CCDC14: variants seen among roughly 807,000 people sequenced by gnomAD.
CCDC14 encodes the protein coiled-coil domain containing 14.
CCDC14 carries 71 observed loss-of-function variants against 81.4 expected under a neutral mutation model. That is an observed-to-expected ratio of 0.87 (90% CI 0.72 to 1.06). The LOEUF (loss-of-function observed/expected upper bound fraction) is 1.06. CCDC14 is among the 50% of genes least tolerant of loss of function. The probability of loss-of-function intolerance (pLI) is 0.00; values close to 1 mark genes in which losing one functional copy is unlikely to be tolerated. For missense variants in CCDC14, 1,046 were observed against 1,047.3 expected, an observed-to-expected ratio of 1.00 and a Z score of 0.02; for synonymous variants, 332 against 364.8, an observed-to-expected ratio of 0.91 and a Z score of 1.03.
chr3:123,941,367 C>T (rs2036342979), intron 9 of CCDC14, among the ~76,000 whole-genome samples: 1 of 151,828 alleles, frequency 6.6e-6, no homozygotes, highest in Non-Finnish European at 1.5e-5. Context: ...TGGCAATAAA[C>T]TCCAAGAAAG....
At chr3:123,891,509 A>T in the CCDC14 span, among the ~76,000 whole-genome samples, 5 of 152,140 alleles carry the variant, frequency 3.3e-5, no homozygotes, top group African/African-American at 1.2e-4. Flanking sequence ...TCAAGTTCAA[A>T]GTTCCACAAA....
intron 5 of CCDC14, chr3:123,952,918 C>T (rs2037104710): frequency 5.2e-6 from 1 of 190,810 alleles, no homozygotes; most frequent in Non-Finnish European, 1.1e-5. Context: ...CAACTAGAAA[C>T]TAATTTCTAA....
intron 12 of CCDC14, among the ~76,000 whole-genome samples, chr3:123,928,860 C>T (rs1404271051): frequency 6.6e-6 from 1 of 152,162 alleles, no homozygotes; most frequent in African/African-American, 2.4e-5. Context: ...TATTAACATT[C>T]TACTAATACT....
intron 12 of CCDC14, among the ~76,000 whole-genome samples, chr3:123,925,956 T>C (rs567459619): frequency 4.6e-5 from 7 of 152,306 alleles, no homozygotes; most frequent in South Asian, 2.1e-4. Context: ...GAGTTGTTAC[T>C]ACAACACAAA....
chr3:123,895,408 C>T (rs1326643981), downstream of CCDC14, among the ~76,000 whole-genome samples: 1 of 152,182 alleles, frequency 6.6e-6, no homozygotes, highest in Non-Finnish European at 1.5e-5. Context: ...TATATTAGCT[C>T]ACCTTAGCTC....
At chr3:123,928,333 TAAAA>T (rs36006823) in intron 12 of CCDC14, among the ~76,000 whole-genome samples, 1 of 76,372 alleles carries the variant, frequency 1.3e-5, no homozygotes, top group African/African-American at 6.0e-5. Flanking sequence ...CAGTCTCTAC[TAAAA>T]AAAAAAAAAA....
chr3:123,956,681 G>T, intron 2 of CCDC14, 59 bp downstream of exon 2: 1 of 1,363,578 alleles, frequency 7.3e-7, no homozygotes, highest in Non-Finnish European at 1.0e-6. Context: ...ATGTCATCCA[G>T]CCCAAAGACC....
chr3:123,914,104 A>G lies in CCDC14; in HGVS notation c.*675T>C, dbSNP rs929775466. 15 of 985,690 alleles carry G rather than the reference A, an allele frequency of 1.5e-5. 1 individual carries two copies. The highest frequency in any genetic ancestry group is 1.7e-5 in the African/African-American group (1 of 57,248). The allele number at this position is 985,690 out of a possible 1,614,324, so 61.1% of individuals were successfully genotyped here. A position where few individuals can be genotyped will look rare whatever the true frequency, so the allele number is the denominator to read the frequency against. ...TTTCCCCAACTATAGCTTATCTGTT[A>G]GCACTTCTTTATCAGTCTGACTATT... is the stretch of plus-strand genomic sequence containing the variant. On this transcript the variant is annotated 3_prime_UTR_variant, in exon 13 of 13. Coordinates refer to ENST00000409697, the MANE Select transcript of CCDC14 (RefSeq NM_001366335.1).
intron 12 of CCDC14, among the ~76,000 whole-genome samples, chr3:123,926,100 T>C (rs974098774): frequency 1.3e-5 from 2 of 152,190 alleles, no homozygotes; most frequent in African/African-American, 4.8e-5. Flanking sequence ...TTGAAGTTTC[T>C]TTCCAGTTTT....
chr3:123,886,244 C>G, the CCDC14 span, among the ~76,000 whole-genome samples: 1 of 151,870 alleles, frequency 6.6e-6, no homozygotes, highest in Non-Finnish European at 1.5e-5. Context: ...ACAAGATGTT[C>G]CAGGCACATC....
rs1286728975 is a variant in CCDC14, at chr3:123,947,100, A to G, written c.904T>C (p.Cys302Arg). The change falls in exon 8 of 13, where the codon TGT becomes CGT. Residue 302 changes from cysteine (C) to arginine (R), a missense_variant. Cys to Arg is a radical substitution (Grantham distance 180, BLOSUM62 -3). Coordinates refer to ENST00000409697, the MANE Select transcript of CCDC14 (RefSeq NM_001366335.1). Reference sequence around the variant, plus strand: ...AAAAGAGACAAATATGTTTGAATACATTTTAGTAGGTCTGTTTCCTTATGA... The same window carrying G: ...AAAAGAGACAAATATGTTTGAATACGTTTTAGTAGGTCTGTTTCCTTATGA... ...GIHKETDLLK[C>R]IQTYLSLFRS... The G allele has an allele frequency of 3.1e-6, 5 of 1,613,812 alleles. No homozygotes were observed. The highest frequency in any genetic ancestry group is 1.7e-5 in the Admixed American group (1 of 59,998).
intron 5 of CCDC14, among the ~76,000 whole-genome samples, chr3:123,903,370 T>A (rs1204504384): frequency 6.6e-6 from 1 of 151,548 alleles, no homozygotes; most frequent in Non-Finnish European, 1.5e-5. Flanking sequence ...TATTGCTTAT[T>A]GCTGGTGGTA....
At position 123,915,414 on chromosome 3, in the gene CCDC14, C is replaced by T; in HGVS notation, c.2083G>A (p.Glu695Lys). Residue 695 changes from glutamate (E) to lysine (K), a missense_variant, in exon 13 of 13, where the codon GAA becomes AAA. By Grantham distance (56) the Glu-to-Lys change is moderately conservative. Transcript: ENST00000409697. Reference protein sequence around the residue: ...PQNSNTRGMEEASAPGIISAL... With the variant: ...PQNSNTRGMEKASAPGIISAL... ...GAAATAATTCCAGGTGCAGATGCTT[C>T]CTCCATGCCCCTAGTGTTACTATTT... 2 of 1,613,830 alleles carry T rather than the reference C, an allele frequency of 1.2e-6. No homozygotes were observed. The highest frequency in any genetic ancestry group is 8.5e-7 in the Non-Finnish European group (1 of 1,179,830).
intron 7 of CCDC14, among the ~76,000 whole-genome samples, chr3:123,947,545 C>A (rs2036723020): frequency 6.6e-6 from 1 of 152,128 alleles, no homozygotes; most frequent in South Asian, 2.1e-4. Context: ...TTTTTCACTG[C>A]TGAAACATTT....
chr3:123,941,864 C>A (rs1035354056), intron 9 of CCDC14, among the ~76,000 whole-genome samples: 1 of 151,962 alleles, frequency 6.6e-6, no homozygotes, highest in African/African-American at 2.4e-5. Flanking sequence ...TAAAAATGTT[C>A]TAAGGAACCG....
At chr3:123,939,593 T>C (rs7616132) in intron 9 of CCDC14, among the ~76,000 whole-genome samples, 16,694 of 151,716 alleles carry the variant, frequency 0.11, 2,053 homozygotes, top group East Asian at 0.42. Flanking sequence ...TCAGGAACAC[T>C]AATTTATATC....
At chr3:123,893,254 C>A (rs993399007), downstream of CCDC14, among the ~76,000 whole-genome samples, 9 of 152,206 alleles carry the variant, frequency 5.9e-5, no homozygotes, top group Non-Finnish European at 8.8e-5. Flanking sequence ...CCCTCCAACA[C>A]CTGGTAACCT....
Position 123,915,725 on chromosome 3 carries a change from A to G in CCDC14, c.1779-7T>C. The stretch of plus-strand genomic sequence containing the variant: ...CATGCTAGTCTGTAAAGTTCTGTTA[A>G]GAAGAATCCAGAACACTAATTATTA... On this transcript the variant is annotated splice_region_variant and splice_polypyrimidine_tract_variant and intron_variant, in intron 12 of 12. Transcript: ENST00000409697. 6.4e-7 allele frequency: 1 copy of G among 1,568,432 alleles called. No homozygotes were observed. Among genetic ancestry groups the G allele is most frequent in the Non-Finnish European group, 8.7e-7 (1 of 1,153,290 alleles).
At chr3:123,958,705 A>G (rs901483525) in intron 1 of CCDC14, 1 of 152,156 alleles carries the variant, frequency 6.6e-6, no homozygotes, top group African/African-American at 2.4e-5. Flanking sequence ...CCAGGAAATT[A>G]ACATTGATAC....
Sources: allele counts gnomAD v4.1 joint callset (sites outside exome capture counted in the v4.1 genomes callset), GRCh38; gene constraint gnomAD v4.1.1; transcripts MANE v1.5; gene names NCBI Gene and HGNC (gene_info 2026-07-23, HGNC 2026-07-21).